The following SDK1 variants were observed in gnomAD, a reference collection of about 807,000 sequenced individuals.
SDK1 encodes the protein sidekick cell adhesion molecule 1.
SDK1 carries 157 observed loss-of-function variants against 245.5 expected under a neutral mutation model. The observed-to-expected ratio is 0.64, with a 90% CI of 0.56 to 0.73. The LOEUF is 0.73. Ranked by LOEUF, SDK1 falls within the 30% of genes least tolerant of loss-of-function variation. SDK1 has a pLI of 0.00. For missense variants in SDK1, 3,583 were observed against 3,002.3 expected (o/e 1.19, Z -4.52); for synonymous variants, 1,647 against 1,278.5 (o/e 1.29, Z -6.15).
intron 4 of SDK1, among the ~76,000 whole-genome samples, chr7:3,772,024 G>T (rs541453433): frequency 1.3e-5 from 2 of 152,198 alleles, no homozygotes; most frequent in East Asian, 3.9e-4. Context: ...CTCATTTTGT[G>T]ACTGGCTTCT....
intron 5 of SDK1, among the ~76,000 whole-genome samples, chr7:3,937,702 G>A (rs945528933): frequency 6.6e-6 from 1 of 152,224 alleles, no homozygotes; most frequent in African/African-American, 2.4e-5. Flanking sequence ...GGAGGACCAA[G>A]GCTTCAAAGG....
intron 1 of SDK1, among the ~76,000 whole-genome samples, chr7:3,484,597 A>G (rs571497040): frequency 2.4e-4 from 36 of 152,334 alleles, no homozygotes; most frequent in Admixed American, 2.2e-3. Flanking sequence ...GTTGAACACT[A>G]GAACTTATTC....
At chr7:3,966,427 CAG>C (rs1562586391) in intron 9 of SDK1, among the ~76,000 whole-genome samples, 1 of 152,076 alleles carries the variant, frequency 6.6e-6, no homozygotes, top group African/African-American at 2.4e-5. Context: ...TTGGGTAGCA[CAG>C]AGTTAGGCGA....
chr7:3,992,380 C>G (rs1285150440), intron 14 of SDK1, among the ~76,000 whole-genome samples: 1 of 152,162 alleles, frequency 6.6e-6, no homozygotes, highest in Admixed American at 6.6e-5. Context: ...TCCCAGGTGC[C>G]TGTTTAGTAA....
At chr7:3,623,657 G>A (rs180800931) in intron 2 of SDK1, among the ~76,000 whole-genome samples, 1 of 152,152 alleles carries the variant, frequency 6.6e-6, no homozygotes, top group East Asian at 1.9e-4. Flanking sequence ...TATCTTAGGT[G>A]GATTTGTATT....
intron 1 of SDK1, among the ~76,000 whole-genome samples, chr7:3,484,449 C>A (rs181901778): frequency 1.3e-5 from 2 of 152,134 alleles, no homozygotes; most frequent in Admixed American, 1.3e-4. Context: ...GGAACTAGTT[C>A]CCCATGTAGA....
At chr7:3,749,527 C>T (rs1779719139) in intron 4 of SDK1, among the ~76,000 whole-genome samples, 1 of 152,170 alleles carries the variant, frequency 6.6e-6, no homozygotes, top group African/African-American at 2.4e-5. Flanking sequence ...TCTCGAACTC[C>T]TGACCTCGTG....
At chr7:3,655,819 C>G (rs1412983475) in intron 4 of SDK1, among the ~76,000 whole-genome samples, 1 of 151,852 alleles carries the variant, frequency 6.6e-6, no homozygotes, top group Non-Finnish European at 1.5e-5. Context: ...CAGTCCCGGC[C>G]CTGCCACGTG....
chr7:3,367,055 T>C (rs1781112417), intron 1 of SDK1, among the ~76,000 whole-genome samples: 2 of 152,172 alleles, frequency 1.3e-5, no homozygotes, highest in African/African-American at 4.8e-5. Context: ...TTTTTATTTC[T>C]AAAGAGGAAG....
chr7:3,702,817 A>G (rs1249558703), intron 4 of SDK1, among the ~76,000 whole-genome samples: 1 of 152,198 alleles, frequency 6.6e-6, no homozygotes, highest in East Asian at 1.9e-4. Context: ...TGTTTTGCAA[A>G]AGAGGGTCTG....
rs975079534 is a variant in SDK1, at chr7:4,205,901, C to A, written c.5121C>A (p.Asn1707Lys). 1 of 1,556,432 alleles carries A rather than the reference C, an allele frequency of 6.4e-7. No individual in the cohort carries two copies. The highest frequency in any genetic ancestry group is 8.7e-7 in the Non-Finnish European group (1 of 1,149,498). ...GEAAPAMAPQ[N>K]VQVTPLTASQ... ...CAGCCCCGGCCATGGCCCCGCAGAA[C>A]GTGCAGGTGACCCCACTCACGGCCA... The change falls in exon 36 of 45, where the codon AAC becomes AAA. Residue 1707 changes from asparagine to lysine, a missense_variant. By Grantham distance (94) the Asn-to-Lys change is moderately conservative. Transcript: ENST00000404826.
intron 1 of SDK1, among the ~76,000 whole-genome samples, chr7:3,493,736 G>A (rs1324599143): frequency 6.6e-6 from 1 of 152,154 alleles, no homozygotes; most frequent in African/African-American, 2.4e-5. Context: ...CACAATTACT[G>A]CATTTGATCA....
intron 4 of SDK1, among the ~76,000 whole-genome samples, chr7:3,671,189 G>C (rs970858134): frequency 2.0e-5 from 3 of 152,138 alleles, no homozygotes; most frequent in Admixed American, 6.5e-5. Flanking sequence ...AACAGGATCT[G>C]GTTTGGACTT....
chr7:3,424,245 G>A (rs1779614744), intron 1 of SDK1, among the ~76,000 whole-genome samples: 5 of 152,096 alleles, frequency 3.3e-5, no homozygotes, highest in Admixed American at 6.6e-5. Context: ...TTGTATTATA[G>A]TTCATTTTGA....
At chr7:3,846,686 C>A (rs772681367) in intron 5 of SDK1, among the ~76,000 whole-genome samples, 4 of 152,200 alleles carry the variant, frequency 2.6e-5, no homozygotes, top group Non-Finnish European at 2.9e-5. Context: ...CTTCTCTGAA[C>A]TCATCTTTTC....
Position 3,631,792 on chromosome 7 carries a change from G to C in SDK1, c.459-7212G>C, listed in dbSNP as rs1357539064. Among the ~76,000 whole-genome samples, 5 of 152,184 alleles carry C rather than the reference G, an allele frequency of 3.3e-5. No homozygotes were observed. In the East Asian group the frequency reaches 9.6e-4, roughly 29 times the overall value. On this transcript the variant is annotated intron_variant, in intron 2 of 44. Coordinates refer to ENST00000404826, the MANE Select transcript of SDK1 (RefSeq NM_152744.4). ...TCTTTGTTTAGGGATCATTGTGGAA[G>C]CTAAGTGAAGACCTTGCCAGAATTG... is the stretch of plus-strand genomic sequence containing the variant.
chr7:4,014,708 T>G (rs909196568), intron 16 of SDK1, among the ~76,000 whole-genome samples: 1 of 152,218 alleles, frequency 6.6e-6, no homozygotes, highest in Non-Finnish European at 1.5e-5. Context: ...GGTTATGTCC[T>G]TTATAAACGT....
At chr7:3,369,647 T>G (rs1781174996) in intron 1 of SDK1, among the ~76,000 whole-genome samples, 1 of 152,230 alleles carries the variant, frequency 6.6e-6, no homozygotes, top group African/African-American at 2.4e-5. Context: ...ACAAAATGTT[T>G]CCTCAAGTTT....
At chr7:4,238,841 C>T (rs1449356843) in intron 42 of SDK1, among the ~76,000 whole-genome samples, 1 of 151,850 alleles carries the variant, frequency 6.6e-6, no homozygotes, top group Non-Finnish European at 1.5e-5. Context: ...AGCCACCGCG[C>T]CCTGCCGAGA....
Sources: gnomAD v4.1 joint callset for allele counts (sites outside exome capture counted in the v4.1 genomes callset) on GRCh38, gnomAD v4.1.1 for gene constraint, MANE v1.5 for transcripts, NCBI Gene and HGNC (gene_info 2026-07-23, HGNC 2026-07-21) for gene names.